The following ASIC4 variants were observed in gnomAD, a reference collection of about 807,000 sequenced individuals.
ASIC4 encodes the protein acid-sensing ion channel 4.
ASIC4 carries 28 observed loss-of-function variants against 53.4 expected under a neutral mutation model. The observed-to-expected ratio is 0.52, with a 90% confidence interval of 0.39 to 0.72. ASIC4 has a LOEUF of 0.72. Among genes scored for constraint, ASIC4 ranks in the 30% least tolerant of loss-of-function variants. The pLI is 0.00. For synonymous variants in ASIC4, 289 were observed against 301.4 expected (o/e 0.96, Z 0.43); for missense variants, 649 against 729.7 (o/e 0.89, Z 1.27).
intron 1 of ASIC4, among the ~76,000 whole-genome samples, chr2:219,529,052 C>G (rs1695000476): frequency 6.6e-6 from 1 of 152,220 alleles, no homozygotes; most frequent in Non-Finnish European, 1.5e-5. Context: ...AAAAGATCCC[C>G]CTGATTTGTG....
chr2:219,521,194 C>G (rs1574489062), intron 1 of ASIC4, among the ~76,000 whole-genome samples: 1 of 152,298 alleles, frequency 6.6e-6, no homozygotes, highest in East Asian at 1.9e-4. Flanking sequence ...TCTCAGAGGG[C>G]TGGTCTTCAA....
upstream of ASIC4, chr2:219,514,204 G>A: frequency 2.8e-6 from 3 of 1,065,890 alleles, no homozygotes; most frequent in Non-Finnish European, 3.9e-6. Context: ...CAGGAGTTTG[G>A]GGGATAGCCC....
At chr2:219,509,229 C>A (rs930621218), upstream of ASIC4, among the ~76,000 whole-genome samples, 1 of 152,116 alleles carries the variant, frequency 6.6e-6, no homozygotes, top group Admixed American at 6.5e-5. This position sits in a 1 kb window ranked among gnomAD's most constrained non-coding sequence, Gnocchi z 5.2. Context: ...CCCCCTCCCC[C>A]TCTCTGGGAA....
At chr2:219,530,624 G>A (rs966711923) in intron 1 of ASIC4, among the ~76,000 whole-genome samples, 5 of 152,254 alleles carry the variant, frequency 3.3e-5, no homozygotes, top group Admixed American at 2.0e-4. Context: ...ACTGAATGTG[G>A]CCGTGTGATG....
chr2:219,507,130 T>TC, the ASIC4 span: 2 of 291,350 alleles, frequency 6.9e-6, no homozygotes, highest in Non-Finnish European at 1.3e-5. Context: ...CTGGTAAATC[T>TC]CCCCCTCCCA....
chr2:219,512,215 T>C (rs1373073143), upstream of ASIC4, among the ~76,000 whole-genome samples: 1 of 152,128 alleles, frequency 6.6e-6, no homozygotes, highest in African/African-American at 2.4e-5. Context: ...TACCACCCGA[T>C]TTCTTTCCTT....
chr2:219,514,907 C>T lies in ASIC4; in HGVS notation c.183C>T (p.Gly61=), dbSNP rs374292995. 3.1e-6 allele frequency: 5 copies of T among 1,612,796 alleles called. No homozygotes were observed. The African/African-American group carries it at 4.0e-5, about 13-fold the overall frequency. ...GACTGGGCCGGGCCTGTGGCCCAGG[C>T]CCCCACGGACTGCGCAGAACCCTGT... is the stretch of plus-strand genomic sequence containing the variant. ...LHGLGRACGP[G]PHGLRRTLWA... The change falls in exon 1 of 10, where the codon GGC becomes GGT. Residue 61 remains glycine (G), a synonymous_variant. Coordinates refer to ENST00000358078, the MANE Select transcript of ASIC4 (RefSeq NM_018674.6).
chr2:219,528,530 T>TTTGTTGTTGTTG (rs751278104), intron 1 of ASIC4, among the ~76,000 whole-genome samples: 1 of 150,376 alleles, frequency 6.6e-6, no homozygotes, highest in Non-Finnish European at 1.5e-5. Flanking sequence ...GTCTGGACTT[T>TTTGTTGTTGTTG]TTGTTGTTGT....
At chr2:219,511,759 G>C (rs929839843), upstream of ASIC4, among the ~76,000 whole-genome samples, 2 of 152,026 alleles carry the variant, frequency 1.3e-5, no homozygotes, top group Non-Finnish European at 1.5e-5. The surrounding 1 kb of genome is among the most constrained non-coding windows in gnomAD (Gnocchi z 5.3). Flanking sequence ...GCGCAGGGCC[G>C]GGGTGGGGGT....
At position 219,518,635 on chromosome 2, in the gene ASIC4, C is replaced by T. The variant is rs535348174; in HGVS notation, c.582+3329C>T. On this transcript the variant is annotated intron_variant, in intron 1 of 9. Transcript: ENST00000358078. The surrounding 1 kb of genome is among the most constrained non-coding windows in gnomAD (Gnocchi z 4.8). ...CTCTCCCTTCCTCCCTGATTCCTGCCGCCATCTGCTACCCACACCCCCTTC... is the reference window on the plus strand; with the variant it reads ...CTCTCCCTTCCTCCCTGATTCCTGCTGCCATCTGCTACCCACACCCCCTTC... Among the ~76,000 whole-genome samples, 46 of 152,178 alleles carry T rather than the reference C, an allele frequency of 3.0e-4. No individual in the cohort carries two copies. The highest frequency in any genetic ancestry group is 7.5e-4 in the African/African-American group (31 of 41,518).
rs1271093721 is a variant in ASIC4, at chr2:219,536,492, C to A, written c.1230-574C>A. 6.6e-6 allele frequency among the ~76,000 whole-genome samples: 1 copy of A among 152,106 alleles called. No individual in the cohort carries two copies. Among genetic ancestry groups the A allele is most frequent in the African/African-American group, 2.4e-5 (1 of 41,404 alleles). The stretch of plus-strand genomic sequence containing the variant: ...GATCATGTAGGACTGATTCTCAGGC[C>A]CCAGTCGGGGAGTGAAGCTGGGGAG... On this transcript the variant is annotated intron_variant, in intron 6 of 9. Transcript: ENST00000358078. The surrounding 1 kb of genome is among the most constrained non-coding windows in gnomAD (Gnocchi z 4.6).
At chr2:219,515,614 T>C (rs760317305) in intron 1 of ASIC4, among the ~76,000 whole-genome samples, 1 of 152,202 alleles carries the variant, frequency 6.6e-6, no homozygotes, top group Non-Finnish European at 1.5e-5. Flanking sequence ...GTCCTGGAGC[T>C]GGCTGGCTTG....
chr2:219,527,559 C>T (rs1228006337), intron 1 of ASIC4, among the ~76,000 whole-genome samples: 1 of 152,160 alleles, frequency 6.6e-6, no homozygotes, highest in East Asian at 1.9e-4. Context: ...AAGAGCCATT[C>T]ATTCACTGAA....
In ASIC4 at chr2:219,532,028, G is replaced by A. The variant is rs909316143; in HGVS notation, c.755G>A (p.Arg252Gln). ...GAGACGTCGTTTGAGGCAGGTATTC[G>A]GGTGCAGATCCACAGCCAGGAGGAG... Reference protein sequence around the residue: ...TNETSFEAGIRVQIHSQEEPP... With the variant: ...TNETSFEAGIQVQIHSQEEPP... The change falls in exon 3 of 10, where the codon CGG (arginine) becomes CAG (glutamine). Residue 252 changes from arginine to glutamine, a missense_variant. Arg to Gln is a conservative substitution (Grantham distance 43). Transcript: ENST00000358078. 7 of 1,614,104 alleles carry A rather than the reference G, an allele frequency of 4.3e-6. No individual in the cohort carries two copies. The African/African-American group carries it at 5.3e-5, about 12-fold the overall frequency.
chr2:219,512,995 C>A (rs1226045159), upstream of ASIC4, among the ~76,000 whole-genome samples: 1 of 152,204 alleles, frequency 6.6e-6, no homozygotes, highest in Non-Finnish European at 1.5e-5. Flanking sequence ...ATCCCTAGGC[C>A]CCTCCCCTGG....
In ASIC4 at chr2:219,516,559, T is replaced by C. The variant is rs1047415433; in HGVS notation, c.582+1253T>C. ...CACAGTTTGCTCCCAGCATTGTGTG[T>C]GCATGCGTGTATGTTTCATCCTCGT... is the stretch of plus-strand genomic sequence containing the variant. On this transcript the variant is annotated intron_variant, in intron 1 of 9. Coordinates refer to ENST00000358078, the MANE Select transcript of ASIC4 (RefSeq NM_018674.6). This position sits in a 1 kb window ranked among gnomAD's most constrained non-coding sequence, Gnocchi z 4.9. The C allele has an allele frequency of 6.6e-6, 1 of 152,244 alleles. No individual in the cohort carries two copies. The highest frequency in any genetic ancestry group is 1.5e-5 in the Non-Finnish European group (1 of 68,074). 9.4% of individuals were successfully genotyped at this position (152,244 alleles called of 1,614,324 possible). A position where few individuals can be genotyped will look rare whatever the true frequency, so the allele number is the denominator to read the frequency against.
rs1373576151 is a variant in ASIC4, at chr2:219,518,891, G to C, written c.582+3585G>C. On this transcript the variant is annotated intron_variant, in intron 1 of 9. Transcript: ENST00000358078. The surrounding 1 kb of genome is among the most constrained non-coding windows in gnomAD (Gnocchi z 4.8). ...AAGCCAAAAAGCTTCTGTGAGCATC[G>C]GTTTGTGTATTCTTTTTTTTGTTTG... Among the ~76,000 whole-genome samples the C allele has an allele frequency of 6.6e-6, 1 of 152,110 alleles. No homozygotes were observed. The highest frequency in any genetic ancestry group is 6.5e-5 in the Admixed American group (1 of 15,276).
At chr2:219,530,277 CGCTGCGCA>C (rs1695021366) in intron 1 of ASIC4, among the ~76,000 whole-genome samples, 2 of 152,266 alleles carry the variant, frequency 1.3e-5, no homozygotes, top group East Asian at 3.8e-4. Context: ...CCACCCCTGC[CGCTGCGCA>C]GCTCCTGGTG....
At chr2:219,508,311 TATG>T in the ASIC4 span, among the ~76,000 whole-genome samples, 4 of 152,088 alleles carry the variant, frequency 2.6e-5, no homozygotes, top group African/African-American at 9.7e-5. Flanking sequence ...CCATCATAAA[TATG>T]ATAATTTAAT....
Sources: gnomAD v4.1 joint callset for allele counts (sites outside exome capture counted in the v4.1 genomes callset) on GRCh38, gnomAD v4.1.1 for gene constraint, Gnocchi (gnomAD v3.1) non-coding constraint, MANE v1.5 for transcripts, NCBI Gene and HGNC (gene_info 2026-07-23, HGNC 2026-07-21) for gene names.